SV2C: variants seen among roughly 807,000 people sequenced by gnomAD.
SV2C encodes the protein solute carrier family 22 member B3.
Under a neutral mutation model 79.7 loss-of-function variants are expected in SV2C, and 49 were observed. The observed-to-expected ratio is 0.61, with a 90% confidence interval of 0.49 to 0.78. SV2C has a LOEUF of 0.78. SV2C is among the 30% of genes least tolerant of loss of function. The probability of loss-of-function intolerance (pLI) is 0.00; values close to 1 mark genes in which losing one functional copy is unlikely to be tolerated. For missense variants in SV2C, 833 were observed against 912.9 expected (o/e 0.91, Z 1.13); for synonymous variants, 334 against 333.2 (o/e 1.00, Z -0.03).
the SV2C span, among the ~76,000 whole-genome samples, chr5:75,925,053 C>G: frequency 2.0e-5 from 3 of 151,652 alleles, no homozygotes; most frequent in Admixed American, 1.3e-4. Flanking sequence ...CCTATAGATA[C>G]TAAGGGGTTT....
At chr5:76,229,002 G>A (rs887461251) in intron 4 of SV2C, among the ~76,000 whole-genome samples, 183 of 152,190 alleles carry the variant, frequency 1.2e-3, no homozygotes, top group African/African-American at 4.2e-3. Context: ...CCCATGCCCA[G>A]CTTTCTGTCA....
At chr5:76,194,152 G>C (rs983393269) in intron 2 of SV2C, among the ~76,000 whole-genome samples, 2 of 152,124 alleles carry the variant, frequency 1.3e-5, no homozygotes, top group Admixed American at 1.3e-4. Flanking sequence ...AAGACATAAG[G>C]AGAAGGGGAT....
chr5:75,896,941 T>G, the SV2C span, among the ~76,000 whole-genome samples: 22 of 144,862 alleles, frequency 1.5e-4, no homozygotes, highest in African/African-American at 5.2e-4. Flanking sequence ...TAAATTTGTT[T>G]GAGTTCATTG....
At chr5:75,956,408 AG>A in the SV2C span, among the ~76,000 whole-genome samples, 451 of 66,632 alleles carry the variant, frequency 6.8e-3, 1 homozygote, top group African/African-American at 0.026. Context: ...GGGTGGGGGG[AG>A]GGGGGAGGGA....
Position 76,298,484 on chromosome 5 carries a change from A to G in SV2C, c.1503-310A>G, listed in dbSNP as rs192110589. ...AAAACCTAAAGAATAGCCCCAGGTA[A>G]TCCCCAAACTATCTTCAGTTGCATA... On this transcript the variant is annotated intron_variant, in intron 9 of 12. Coordinates refer to ENST00000502798, the MANE Select transcript of SV2C (RefSeq NM_014979.4). Among the ~76,000 whole-genome samples the G allele has an allele frequency of 4.7e-4, 72 of 152,344 alleles. 2 individuals are homozygous for G. The South Asian group carries it at 9.9e-3, about 21-fold the overall frequency.
chr5:76,238,448 G>A (rs1745684643), intron 4 of SV2C, among the ~76,000 whole-genome samples: 1 of 152,134 alleles, frequency 6.6e-6, no homozygotes, highest in East Asian at 1.9e-4. Flanking sequence ...TTTGTTCCCT[G>A]TAGTGTCTGT....
chr5:76,271,616 C>CTTT (rs34458409), intron 4 of SV2C, among the ~76,000 whole-genome samples: 23 of 96,058 alleles, frequency 2.4e-4, no homozygotes, highest in Non-Finnish European at 3.2e-4. Context: ...AGCATGTGTT[C>CTTT]TTTTTTTTTT....
intron 4 of SV2C, among the ~76,000 whole-genome samples, chr5:76,246,775 T>TCCC (rs1268751823): frequency 6.6e-6 from 1 of 152,060 alleles, no homozygotes; most frequent in East Asian, 1.9e-4. Flanking sequence ...AGACTCAGTG[T>TCCC]CCCCACCTCT....
chr5:76,123,599 G>T (rs1025975968), intron 1 of SV2C, among the ~76,000 whole-genome samples: 3 of 152,130 alleles, frequency 2.0e-5, no homozygotes, highest in Non-Finnish European at 4.4e-5. Context: ...ATGTAATCCA[G>T]CATATAAACA....
intron 4 of SV2C, among the ~76,000 whole-genome samples, chr5:76,235,835 C>T (rs1745593542): frequency 6.6e-6 from 1 of 152,080 alleles, no homozygotes; most frequent in Non-Finnish European, 1.5e-5. Context: ...GCGTCTCCTA[C>T]AGCTGAGCAT....
At chr5:75,960,081 A>G in the SV2C span, among the ~76,000 whole-genome samples, 6 of 151,986 alleles carry the variant, frequency 3.9e-5, no homozygotes, top group African/African-American at 1.4e-4. Flanking sequence ...TCCTTTTCAT[A>G]ATTCTAATTT....
At chr5:75,981,450 C>T in the SV2C span, among the ~76,000 whole-genome samples, 3 of 152,182 alleles carry the variant, frequency 2.0e-5, no homozygotes, top group Non-Finnish European at 4.4e-5. Context: ...AGGCATCACA[C>T]TACCCAACTT....
chr5:75,901,131 C>A, the SV2C span, among the ~76,000 whole-genome samples: 25,506 of 152,180 alleles, frequency 0.17, 6,380 homozygotes, highest in African/African-American at 0.55. Context: ...CTGGTGAGGA[C>A]CTGCATTCCT....
chr5:76,305,969 G>A (rs966531424), intron 12 of SV2C, among the ~76,000 whole-genome samples: 3 of 152,166 alleles, frequency 2.0e-5, no homozygotes, highest in African/African-American at 7.2e-5. Flanking sequence ...GCCCAATCCA[G>A]AAGCTATCTA....
the SV2C span, among the ~76,000 whole-genome samples, chr5:75,868,014 T>C: frequency 2.0e-5 from 3 of 152,198 alleles, no homozygotes; most frequent in East Asian, 3.9e-4. Context: ...TGAAAAGGGA[T>C]GAGAGTTATG....
chr5:76,001,321 C>T, the SV2C span, among the ~76,000 whole-genome samples: 28,677 of 152,114 alleles, frequency 0.19, 3,394 homozygotes, highest in East Asian at 0.61. Flanking sequence ...CTCTTTTCCG[C>T]CAGGCGCGGT....
chr5:75,907,272 A>G, the SV2C span, among the ~76,000 whole-genome samples: 5 of 152,214 alleles, frequency 3.3e-5, no homozygotes, highest in African/African-American at 4.8e-5. Context: ...TCTTTTGACT[A>G]AATATTACTT....
chr5:75,921,340 A>T, the SV2C span: 1 of 1,079,480 alleles, frequency 9.3e-7, no homozygotes, highest in Non-Finnish European at 1.4e-6. Context: ...TCACATCCAC[A>T]TGCTGCCTGC....
intron 1 of SV2C, among the ~76,000 whole-genome samples, chr5:76,099,617 C>T (rs556390279): frequency 6.6e-6 from 1 of 152,282 alleles, no homozygotes; most frequent in African/African-American, 2.4e-5. Flanking sequence ...GTGTCTTTGA[C>T]TGACAGCACT....
Sources: allele counts gnomAD v4.1 joint callset (sites outside exome capture counted in the v4.1 genomes callset), GRCh38; gene constraint gnomAD v4.1.1; transcripts MANE v1.5; gene names NCBI Gene and HGNC (gene_info 2026-07-23, HGNC 2026-07-21).